The following KHDRBS3 variants were observed in gnomAD, a reference collection of about 807,000 sequenced individuals.
KHDRBS3 encodes KH domain-containing, RNA-binding, signal transduction-associated protein 3.
Under a neutral mutation model 45.6 loss-of-function variants are expected in KHDRBS3, and 23 were observed. That is an observed-to-expected ratio of 0.50 (90% CI 0.36 to 0.72). KHDRBS3 has a LOEUF of 0.72. Ranked by LOEUF, KHDRBS3 falls within the 30% of genes least tolerant of loss-of-function variation. The pLI is 0.00. For missense variants in KHDRBS3, 352 were observed against 424.8 expected, an observed-to-expected ratio of 0.83 and a Z score of 1.51; for synonymous variants, 162 against 156.5, an observed-to-expected ratio of 1.04 and a Z score of -0.26.
chr8:135,470,648 T>G (rs1184567101), intron 1 of KHDRBS3, among the ~76,000 whole-genome samples: 1 of 151,598 alleles, frequency 6.6e-6, no homozygotes, highest in East Asian at 1.9e-4. Context: ...TGCAATGATG[T>G]GATCTCGGCT....
intron 1 of KHDRBS3, among the ~76,000 whole-genome samples, chr8:135,470,350 C>G (rs1283692467): frequency 6.6e-6 from 1 of 151,932 alleles, no homozygotes; most frequent in Non-Finnish European, 1.5e-5. Context: ...GTGTCTCTTT[C>G]TCTCTTAGGC....
chr8:135,598,460 G>A (rs781478284), intron 6 of KHDRBS3, among the ~76,000 whole-genome samples: 3 of 152,236 alleles, frequency 2.0e-5, no homozygotes, highest in Middle Eastern at 3.4e-3. Flanking sequence ...TGGCAGAGCT[G>A]GAATTTGAAC....
chr8:135,567,398 TTTAA>T (rs1320791941), intron 5 of KHDRBS3, among the ~76,000 whole-genome samples: 1 of 152,124 alleles, frequency 6.6e-6, no homozygotes, highest in Non-Finnish European at 1.5e-5. Context: ...TTCCCCTATG[TTTAA>T]TTATTGAAAT....
chr8:135,464,318 G>A (rs1776747526), intron 1 of KHDRBS3, among the ~76,000 whole-genome samples: 1 of 152,094 alleles, frequency 6.6e-6, no homozygotes, highest in African/African-American at 2.4e-5. Flanking sequence ...TCTTCAGTAG[G>A]CATTCAAAGT....
intron 4 of KHDRBS3, among the ~76,000 whole-genome samples, chr8:135,654,774 G>A (rs1418548746): frequency 6.6e-6 from 1 of 152,204 alleles, no homozygotes; most frequent in Non-Finnish European, 1.5e-5. Context: ...GCCACACCAG[G>A]GTAGCAGGAG....
At chr8:135,588,486 A>T (rs564816778) in intron 6 of KHDRBS3, among the ~76,000 whole-genome samples, 1 of 152,068 alleles carries the variant, frequency 6.6e-6, no homozygotes, top group South Asian at 2.1e-4. Context: ...TTAGCGATTG[A>T]CTCAATCTCC....
intron 3 of KHDRBS3, among the ~76,000 whole-genome samples, chr8:135,545,365 CTTTT>C (rs1826242151): frequency 6.6e-6 from 1 of 152,142 alleles, no homozygotes; most frequent in African/African-American, 2.4e-5. Context: ...ACCAGGCAGG[CTTTT>C]GCCGTGTGGA....
At chr8:135,631,252 GAAAAA>G (rs35613635) in intron 7 of KHDRBS3, among the ~76,000 whole-genome samples, 4 of 74,988 alleles carry the variant, frequency 5.3e-5, no homozygotes, top group African/African-American at 2.3e-4. Context: ...CTCCGTCTCG[GAAAAA>G]AAAAAAAAAA....
At chr8:135,492,904 T>C (rs186134559) in intron 1 of KHDRBS3, among the ~76,000 whole-genome samples, 5 of 152,310 alleles carry the variant, frequency 3.3e-5, no homozygotes, top group Admixed American at 2.6e-4. Context: ...ATAAATCAGT[T>C]TTGGAAGAAA....
At chr8:135,536,833 G>A (rs1187529197) in intron 2 of KHDRBS3, among the ~76,000 whole-genome samples, 8 of 150,228 alleles carry the variant, frequency 5.3e-5, no homozygotes, top group East Asian at 1.9e-4. Flanking sequence ...GGTGGCGGGC[G>A]CCTGTAGTCC....
chr8:135,618,249 G>A (rs1341922855), intron 7 of KHDRBS3, among the ~76,000 whole-genome samples: 1 of 152,188 alleles, frequency 6.6e-6, no homozygotes, highest in Non-Finnish European at 1.5e-5. Flanking sequence ...ATATTTAAGA[G>A]CCCTTTAATT....
At chr8:135,576,144 A>G (rs548038663) in intron 5 of KHDRBS3, among the ~76,000 whole-genome samples, 10 of 152,360 alleles carry the variant, frequency 6.6e-5, no homozygotes, top group African/African-American at 2.2e-4. Context: ...TGTTTGCCAC[A>G]TCATATCAAG....
chr8:135,530,069 A>AAAAAAAAG (rs1341004544), intron 2 of KHDRBS3, among the ~76,000 whole-genome samples: 3 of 151,656 alleles, frequency 2.0e-5, no homozygotes, highest in African/African-American at 7.3e-5. Flanking sequence ...CAAAAAAAAA[A>AAAAAAAAG]AAAGAAATTA....
chr8:135,527,574 G>A (rs534622145), intron 2 of KHDRBS3, among the ~76,000 whole-genome samples: 14 of 152,362 alleles, frequency 9.2e-5, no homozygotes, highest in African/African-American at 2.6e-4. Context: ...TGTTTTAGAC[G>A]ATGAGGCTTC....
intron 1 of KHDRBS3, among the ~76,000 whole-genome samples, chr8:135,460,782 A>T (rs1460005008): frequency 6.6e-6 from 1 of 152,226 alleles, no homozygotes; most frequent in African/African-American, 2.4e-5. Flanking sequence ...GGCAGTTTTG[A>T]ATTAAAGCCC....
At chr8:135,583,960 G>A (rs985744668) in intron 6 of KHDRBS3, among the ~76,000 whole-genome samples, 4 of 152,146 alleles carry the variant, frequency 2.6e-5, no homozygotes, top group African/African-American at 4.8e-5. Context: ...GTAAATGATA[G>A]GAAAGGCATT....
chr8:135,564,242 G>T (rs1430332497), intron 5 of KHDRBS3, among the ~76,000 whole-genome samples: 2 of 152,188 alleles, frequency 1.3e-5, no homozygotes, highest in African/African-American at 4.8e-5. Flanking sequence ...TTTACCAGAT[G>T]CTGTGATAAA....
At chr8:135,460,460 C>CT (rs1821376112) in intron 1 of KHDRBS3, among the ~76,000 whole-genome samples, 1 of 152,198 alleles carries the variant, frequency 6.6e-6, no homozygotes, top group Non-Finnish European at 1.5e-5. Context: ...TCCCAGCTAT[C>CT]TAAGCTTTTG....
At chr8:135,524,906 T>G (rs111247718) in intron 2 of KHDRBS3, among the ~76,000 whole-genome samples, 8 of 152,212 alleles carry the variant, frequency 5.3e-5, no homozygotes, top group African/African-American at 1.7e-4. Flanking sequence ...TTTTCTATTT[T>G]TTAATTCATT....
Sources: allele counts gnomAD v4.1 joint callset (sites outside exome capture counted in the v4.1 genomes callset), GRCh38; gene constraint gnomAD v4.1.1; transcripts MANE v1.5; gene names NCBI Gene and HGNC (gene_info 2026-07-23, HGNC 2026-07-21).